RANBP17: variants seen among roughly 807,000 people sequenced by gnomAD.
The protein encoded by RANBP17 is ran-binding protein 17.
Under a neutral mutation model 141.2 loss-of-function variants are expected in RANBP17, and 158 were observed. The ratio of observed to expected loss-of-function variants is 1.12; its 90% CI spans 0.98 to 1.28. The LOEUF is 1.28. Ranked by LOEUF, RANBP17 falls within the 50% of genes most tolerant of loss-of-function variation. The probability of loss-of-function intolerance (pLI) is 0.00; values close to 1 mark genes in which losing one functional copy is unlikely to be tolerated. For missense variants in RANBP17, 1,438 were observed against 1,290.7 expected (o/e 1.11, Z -1.75); for synonymous variants, 430 against 450.0 (o/e 0.96, Z 0.56).
intron 14 of RANBP17, among the ~76,000 whole-genome samples, chr5:171,051,347 A>G (rs970354986): frequency 6.6e-6 from 1 of 151,830 alleles, no homozygotes; most frequent in Non-Finnish European, 1.5e-5. Flanking sequence ...ACTTTTCACC[A>G]CTCCAGAGAA....
At chr5:170,932,283 C>T (rs1391878623) in intron 12 of RANBP17, among the ~76,000 whole-genome samples, 1 of 151,312 alleles carries the variant, frequency 6.6e-6, no homozygotes, top group African/African-American at 2.4e-5. Flanking sequence ...GCTGAAGTTG[C>T]TTATCAGCTT....
chr5:171,065,138 A>G (rs144165700), intron 14 of RANBP17, among the ~76,000 whole-genome samples: 2 of 152,266 alleles, frequency 1.3e-5, no homozygotes, highest in African/African-American at 4.8e-5. Flanking sequence ...TTTTATATTT[A>G]TATCTCTGAT....
chr5:171,019,446 G>A (rs904300750), intron 14 of RANBP17, among the ~76,000 whole-genome samples: 1 of 152,040 alleles, frequency 6.6e-6, no homozygotes, highest in Non-Finnish European at 1.5e-5. Flanking sequence ...GCTTGTTATT[G>A]GTCTATTCAG....
rs185530318 is a variant in RANBP17 at position 170,949,858 on chromosome 5, T to C, written c.1469-3739T>C. Among the ~76,000 whole-genome samples, 494 of 152,236 alleles carry C rather than the reference T, an allele frequency of 3.2e-3. 2 individuals carry two copies. Among genetic ancestry groups the C allele is most frequent in the African/African-American group, 0.011 (464 of 41,550 alleles). ...CTGAATGGGTAAATGAAATGTGATA[T>C]ATCCATAGTAACCAAAACAGCATGG... On this transcript the variant is annotated intron_variant, in intron 12 of 27. Transcript: ENST00000523189.
intron 20 of RANBP17, chr5:171,207,463 G>A (rs1762642766): frequency 6.6e-6 from 1 of 152,198 alleles, no homozygotes; most frequent in South Asian, 2.1e-4. Flanking sequence ...TTTCTGAAAT[G>A]AAACTTTTGT....
intron 14 of RANBP17, among the ~76,000 whole-genome samples, chr5:171,091,463 G>A (rs1786271748): frequency 6.6e-6 from 1 of 152,222 alleles, no homozygotes. Context: ...CCTCTTGGAT[G>A]AGACTTTGGA....
intron 25 of RANBP17, among the ~76,000 whole-genome samples, chr5:171,266,487 G>A (rs1251450902): frequency 6.6e-6 from 1 of 152,120 alleles, no homozygotes; most frequent in Non-Finnish European, 1.5e-5. Flanking sequence ...AATAGTAACG[G>A]CATGCATAAG....
intron 21 of RANBP17, among the ~76,000 whole-genome samples, chr5:171,216,045 C>T (rs1268735978): frequency 6.6e-6 from 1 of 152,010 alleles, no homozygotes; most frequent in Non-Finnish European, 1.5e-5. Context: ...TTGGTTTTTA[C>T]GTTTAAGTCT....
At chr5:170,886,684 A>G (rs1452061785) in intron 3 of RANBP17, among the ~76,000 whole-genome samples, 20 of 120,454 alleles carry the variant, frequency 1.7e-4, no homozygotes, top group African/African-American at 6.6e-4. Flanking sequence ...TGAGACATAG[A>G]GTCTCACTTT....
intron 14 of RANBP17, among the ~76,000 whole-genome samples, chr5:171,168,166 C>G (rs1038879932): frequency 6.6e-6 from 1 of 152,098 alleles, no homozygotes; most frequent in African/African-American, 2.4e-5. Context: ...CAAACAGTTA[C>G]AGTGTGAAAA....
intron 14 of RANBP17, among the ~76,000 whole-genome samples, chr5:170,992,705 G>A (rs1205643198): frequency 1.3e-5 from 2 of 152,054 alleles, no homozygotes; most frequent in Non-Finnish European, 2.9e-5. Context: ...TTTCTGTGGA[G>A]GGTATAGGAG....
intron 14 of RANBP17, 50 bp from the exon 15 acceptor site, chr5:171,170,080 A>G (rs1466006768): frequency 2.0e-6 from 2 of 1,009,344 alleles, no homozygotes; most frequent in South Asian, 1.9e-5. Context: ...TAGTCTTTTG[A>G]AAATATATGT....
chr5:171,144,182 A>T lies in RANBP17; in HGVS notation c.1711-25948A>T, dbSNP rs138827586. 9.2e-5 allele frequency among the ~76,000 whole-genome samples: 14 copies of T among 152,122 alleles called. 1 individual carries two copies. In the East Asian group the frequency reaches 2.7e-3, roughly 29 times the overall value. On this transcript the variant is annotated intron_variant, in intron 14 of 27. Transcript: ENST00000523189. Reference sequence around the variant, plus strand: ...GTTTGAGACCAGCCTGGGCAACATGATGAAACCCTGTCTCTACCAAAAATA... The same window carrying T: ...GTTTGAGACCAGCCTGGGCAACATGTTGAAACCCTGTCTCTACCAAAAATA...
At chr5:171,057,667 C>A (rs2591487) in intron 14 of RANBP17, among the ~76,000 whole-genome samples, 92,693 of 151,696 alleles carry the variant, frequency 0.61, 29,666 homozygotes, top group South Asian at 0.88. Context: ...TATAAAGCTT[C>A]ATTGATTTAC....
At chr5:170,919,287 T>G (rs897023684) in intron 10 of RANBP17, among the ~76,000 whole-genome samples, 154 bp from the exon 11 acceptor site, 8 of 152,098 alleles carry the variant, frequency 5.3e-5, no homozygotes, top group African/African-American at 1.9e-4. Flanking sequence ...CTTTATACTT[T>G]TTTGCATTTA....
intron 1 of RANBP17, among the ~76,000 whole-genome samples, chr5:170,877,050 G>A (rs1285748488): frequency 6.6e-6 from 1 of 151,918 alleles, no homozygotes; most frequent in Non-Finnish European, 1.5e-5. Context: ...TTTTTAGATG[G>A]TTTCCATGTG....
chr5:171,193,084 TTGGTTTTGAA>T (rs1480381408), intron 18 of RANBP17, among the ~76,000 whole-genome samples: 1 of 152,218 alleles, frequency 6.6e-6, no homozygotes, highest in African/African-American at 2.4e-5. Context: ...CCATTGTTAC[TTGGTTTTGAA>T]TGGTTTATTT....
At chr5:171,156,482 C>T (rs1010315350) in intron 14 of RANBP17, among the ~76,000 whole-genome samples, 11 of 151,980 alleles carry the variant, frequency 7.2e-5, no homozygotes, top group African/African-American at 2.4e-4. Context: ...TTTTCTAGAA[C>T]GGCTTTTATG....
intron 14 of RANBP17, among the ~76,000 whole-genome samples, chr5:171,008,206 G>GATCTTACTAGAGGGAAAA (rs1458420988): frequency 2.6e-5 from 4 of 152,198 alleles, no homozygotes; most frequent in Non-Finnish European, 5.9e-5. Context: ...GAAAAGATCT[G>GATCTTACTAGAGGGAAAA]GAATTGGAAG....
Sources: gnomAD v4.1 joint callset for allele counts (sites outside exome capture counted in the v4.1 genomes callset) on GRCh38, gnomAD v4.1.1 for gene constraint, MANE v1.5 for transcripts, NCBI Gene and HGNC (gene_info 2026-07-23, HGNC 2026-07-21) for gene names.